Variants in NR4A3 observed in about 807,000 individuals in gnomAD.
NR4A3 encodes chondrosarcoma, extraskeletal myxoid, fused to EWS.
NR4A3 carries 13 observed loss-of-function variants against 55.6 expected under a neutral mutation model. The ratio of observed to expected loss-of-function variants is 0.23; its 90% CI spans 0.15 to 0.37. NR4A3 has a LOEUF of 0.37. Ranked by LOEUF, NR4A3 falls within the 10% of genes least tolerant of loss-of-function variation. The pLI is 1.00. For missense variants in NR4A3, 646 were observed against 822.8 expected, an observed-to-expected ratio of 0.79 and a Z score of 2.63; for synonymous variants, 342 against 357.9, an observed-to-expected ratio of 0.96 and a Z score of 0.50.
At chr9:99,855,234 C>T (rs1291006184) in intron 7 of NR4A3, among the ~76,000 whole-genome samples, 1 of 152,150 alleles carries the variant, frequency 6.6e-6, no homozygotes, top group Non-Finnish European at 1.5e-5. Flanking sequence ...TCTTTACCAG[C>T]TAGACTGTGG....
chr9:99,843,252 C>T (rs1229147084), intron 5 of NR4A3, among the ~76,000 whole-genome samples: 1 of 152,158 alleles, frequency 6.6e-6, no homozygotes, highest in Non-Finnish European at 1.5e-5. Context: ...CCACATTTGG[C>T]CATTGAACAC....
chr9:99,847,437 G>A lies in NR4A3; in HGVS notation c.1455G>A (p.Arg485=). The part of the protein sequence containing the change: ...LELFVLRLSI[R]SNTAEDKFVF... ...TGTTTGTCTTCCTCTCACCTCCCAG[G>A]TCAAACACTGCTGAAGATAAGTTTG... The change falls in exon 7 of 8, where the codon AGG becomes AGA. Residue 485 remains arginine, a splice_region_variant and synonymous_variant. Coordinates refer to ENST00000395097, the MANE Select transcript of NR4A3 (RefSeq NM_006981.4). The A allele has an allele frequency of 1.2e-6, 2 of 1,613,974 alleles. No individual in the cohort carries two copies. Among genetic ancestry groups the A allele is most frequent in the South Asian group, 1.1e-5 (1 of 91,060 alleles).
rs573360861 is a variant in NR4A3, at chr9:99,861,300, A to G, written c.1634-2320A>G. On this transcript the variant is annotated intron_variant, in intron 7 of 7. Transcript: ENST00000395097. ...TTTGGGAGGCCAAGGTGGGTGGCTC[A>G]CTTGAGGCCAGGAGTTTGAGGCCAG... Among the ~76,000 whole-genome samples, 6 of 152,346 alleles carry G rather than the reference A, an allele frequency of 3.9e-5. No individual in the cohort carries two copies. The East Asian group carries it at 9.6e-4, about 24-fold the overall frequency.
chr9:99,828,765 C>T lies in NR4A3; in HGVS notation c.723C>T (p.His241=), dbSNP rs1437157338. The part of the protein sequence containing the change: ...AGSQAAALES[H]PYGLPLAKRA... ...GCCAGGCCGCCGCGCTTGAGAGCCA[C>T]CCGTACGGGCTGCCGCTGGCCAAGA... Residue 241 remains histidine (H), a synonymous_variant, in exon 3 of 8, where the codon CAC becomes CAT. Coordinates refer to ENST00000395097, the MANE Select transcript of NR4A3 (RefSeq NM_006981.4). The surrounding 1 kb of genome is among the most constrained non-coding windows in gnomAD (Gnocchi z 7.7). The T allele has an allele frequency of 2.1e-6, 3 of 1,421,608 alleles. No individual in the cohort carries two copies. Among genetic ancestry groups the T allele is most frequent in the East Asian group, 3.1e-5 (1 of 32,776 alleles). 88.1% of individuals were successfully genotyped at this position (1,421,608 alleles called of 1,614,324 possible). A position where few individuals can be genotyped will look rare whatever the true frequency, so the allele number is the denominator to read the frequency against.
chr9:99,839,894 T>C (rs1004073221), intron 5 of NR4A3, among the ~76,000 whole-genome samples: 1 of 152,218 alleles, frequency 6.6e-6, no homozygotes, highest in African/African-American at 2.4e-5. Context: ...GAGCAATCAA[T>C]GTAGGGCAGC....
At chr9:99,839,275 A>G (rs1185319069) in intron 5 of NR4A3, among the ~76,000 whole-genome samples, 1 of 152,270 alleles carries the variant, frequency 6.6e-6, no homozygotes, top group Non-Finnish European at 1.5e-5. Flanking sequence ...ATATGTATAC[A>G]TAGTTTGACT....
At chr9:99,855,612 A>G (rs1162570137) in intron 7 of NR4A3, among the ~76,000 whole-genome samples, 1 of 152,218 alleles carries the variant, frequency 6.6e-6, no homozygotes, top group Middle Eastern at 3.2e-3. Context: ...ATCAGCCTCA[A>G]CACAGACTGC....
intron 1 of NR4A3, among the ~76,000 whole-genome samples, chr9:99,823,688 A>G (rs999451010): frequency 1.3e-5 from 2 of 152,150 alleles, no homozygotes; most frequent in Non-Finnish European, 2.9e-5. Context: ...TCGCAGAGTT[A>G]GTATCAAAGC....
chr9:99,861,405 AG>A (rs1313710269), intron 7 of NR4A3, among the ~76,000 whole-genome samples: 2 of 152,162 alleles, frequency 1.3e-5, no homozygotes, highest in African/African-American at 4.8e-5. Context: ...TTGTAATCCC[AG>A]CTACTTGGGA....
At chr9:99,833,722 G>A (rs1827493492) in intron 5 of NR4A3, 2 of 1,489,534 alleles carry the variant, frequency 1.3e-6, no homozygotes, top group South Asian at 1.2e-5. Flanking sequence ...TGGTGGTTGT[G>A]CCAATGAAAA....
At position 99,859,703 on chromosome 9, in the gene NR4A3, T is replaced by A. The variant is rs1827979317; in HGVS notation, c.1634-3917T>A. ...GAGCAGGGAAAATTCTGCAGTACCT[T>A]CTGTGAGTTTGGCCATGAGAAAGTC... On this transcript the variant is annotated intron_variant, in intron 7 of 7. Transcript: ENST00000395097. Among the ~76,000 whole-genome samples, 3 of 152,266 alleles carry A rather than the reference T, an allele frequency of 2.0e-5. No homozygotes were observed. The South Asian group carries it at 6.2e-4, about 32-fold the overall frequency.
At chr9:99,844,309 C>T (rs572462579) in intron 5 of NR4A3, among the ~76,000 whole-genome samples, 1 of 152,292 alleles carries the variant, frequency 6.6e-6, no homozygotes, top group African/African-American at 2.4e-5. Context: ...CCACCCCAGA[C>T]CAATTAAATG....
chr9:99,858,274 C>T (rs895550578), intron 7 of NR4A3, among the ~76,000 whole-genome samples: 22 of 152,190 alleles, frequency 1.4e-4, no homozygotes, highest in African/African-American at 3.9e-4. Flanking sequence ...GATGGGAAAA[C>T]ATGAGCACAG....
chr9:99,826,003 C>T (rs1827289370), intron 2 of NR4A3, among the ~76,000 whole-genome samples, 171 bp downstream of exon 2: 1 of 152,250 alleles, frequency 6.6e-6, no homozygotes, highest in Non-Finnish European at 1.5e-5. Flanking sequence ...CTGTATACCA[C>T]ACCCTGTTGC....
In NR4A3 at chr9:99,849,596, A is replaced by G. The variant is rs145293777; in HGVS notation, c.1633+1981A>G. Among the ~76,000 whole-genome samples, 424 of 152,332 alleles carry G rather than the reference A, an allele frequency of 2.8e-3. 2 individuals are homozygous for G. Among genetic ancestry groups the G allele is most frequent in the African/African-American group, 9.6e-3 (401 of 41,574 alleles). On this transcript the variant is annotated intron_variant, in intron 7 of 7. Coordinates refer to ENST00000395097, the MANE Select transcript of NR4A3 (RefSeq NM_006981.4). ...TAGTTCAATTTCAAAACCATTCAGC[A>G]ATTCCTACGTCAGTTAAACATTCAA...
chr9:99,841,540 A>G (rs1564033974), intron 5 of NR4A3, among the ~76,000 whole-genome samples: 1 of 152,218 alleles, frequency 6.6e-6, no homozygotes. Context: ...ACTGCTATCA[A>G]TATCATCACT....
At position 99,863,906 on chromosome 9, in the gene NR4A3, C is replaced by T. The variant is rs766148131; in HGVS notation, c.*39C>T. On this transcript the variant is annotated 3_prime_UTR_variant, in exon 8 of 8. Coordinates refer to ENST00000395097, the MANE Select transcript of NR4A3 (RefSeq NM_006981.4). ...AGCAGTGAGCTGCCTCCTCTCCTAG[C>T]ACCTGCTTGCTACGCAGCAAAGGGA... 1 of 1,582,866 alleles carries T rather than the reference C, an allele frequency of 6.3e-7. No homozygotes were observed. The highest frequency in any genetic ancestry group is 1.2e-5 in the South Asian group (1 of 86,414).
At chr9:99,855,317 C>G in intron 7 of NR4A3, among the ~76,000 whole-genome samples, 1 of 152,086 alleles carries the variant, frequency 6.6e-6, no homozygotes, top group East Asian at 1.9e-4. Flanking sequence ...TGGCATATGA[C>G]AAATATTCAT....
intron 7 of NR4A3, among the ~76,000 whole-genome samples, chr9:99,861,219 A>G (rs1828003027): frequency 6.6e-6 from 1 of 152,196 alleles, no homozygotes; most frequent in Non-Finnish European, 1.5e-5. Context: ...TTGTATTTTA[A>G]TATCATTATA....
Sources: gnomAD v4.1 joint callset for allele counts (sites outside exome capture counted in the v4.1 genomes callset) on GRCh38, gnomAD v4.1.1 for gene constraint, Gnocchi (gnomAD v3.1) non-coding constraint, MANE v1.5 for transcripts, NCBI Gene and HGNC (gene_info 2026-07-23, HGNC 2026-07-21) for gene names.